IL1RAPL2: variants seen among roughly 807,000 people sequenced by gnomAD.
The protein encoded by IL1RAPL2 is X-linked interleukin-1 receptor accessory protein-like 2.
Under a neutral mutation model 44.1 loss-of-function variants are expected in IL1RAPL2, and 3 were observed. The observed-to-expected ratio is 0.07, with a 90% CI of 0.03 to 0.18. IL1RAPL2 has a LOEUF of 0.18. Ranked by LOEUF, IL1RAPL2 falls within the 10% of genes least tolerant of loss-of-function variation. IL1RAPL2 has a pLI of 1.00. For missense variants in IL1RAPL2, 391 were observed against 496.4 expected, an observed-to-expected ratio of 0.79 and a Z score of 2.02; for synonymous variants, 181 against 178.8, an observed-to-expected ratio of 1.01 and a Z score of -0.10.
At chrX:105,693,974 G>A (rs1353068437) in intron 6 of IL1RAPL2, among the ~76,000 whole-genome samples, 5 of 111,822 alleles carry the variant, frequency 4.5e-5, no homozygotes, top group Admixed American at 9.5e-5. Context: ...TTGGGCTTCT[G>A]ACTTTTAGAA....
At chrX:105,010,219 A>G (rs1235546536) in intron 2 of IL1RAPL2, among the ~76,000 whole-genome samples, 1 of 111,312 alleles carries the variant, frequency 9.0e-6, no homozygotes, top group Non-Finnish European at 1.9e-5. Flanking sequence ...CATAGTGCAA[A>G]TAGAAGTTTT....
At chrX:104,646,904 G>A (rs1421089371) in intron 1 of IL1RAPL2, among the ~76,000 whole-genome samples, 3 of 111,722 alleles carry the variant, frequency 2.7e-5, no homozygotes, top group Non-Finnish European at 5.6e-5. Flanking sequence ...GCAAAGAGGT[G>A]TTAAGTATTT....
At chrX:105,336,205 G>A (rs1038745649) in intron 5 of IL1RAPL2, among the ~76,000 whole-genome samples, 1 of 112,230 alleles carries the variant, frequency 8.9e-6, no homozygotes. Context: ...CAGGAGGTTT[G>A]TTGAACCTTA....
At chrX:104,641,019 G>C (rs1172045071) in intron 1 of IL1RAPL2, among the ~76,000 whole-genome samples, 1 of 112,215 alleles carries the variant, frequency 8.9e-6, no homozygotes, top group Non-Finnish European at 1.9e-5. Context: ...GCAGTGACTG[G>C]GTAGGTGGGT....
At chrX:105,141,472 C>A (rs1344038655) in intron 2 of IL1RAPL2, among the ~76,000 whole-genome samples, 1 of 111,186 alleles carries the variant, frequency 9.0e-6, no homozygotes, top group Admixed American at 9.6e-5. Context: ...GCACTAAAGG[C>A]ACACTACTGT....
chrX:105,145,301 T>A (rs1312647456), intron 2 of IL1RAPL2, among the ~76,000 whole-genome samples: 1 of 111,674 alleles, frequency 9.0e-6, no homozygotes. Context: ...CATTATTATC[T>A]GTTTTGTACA....
chrX:104,976,473 A>C (rs2030337182), intron 2 of IL1RAPL2, among the ~76,000 whole-genome samples: 1 of 112,092 alleles, frequency 8.9e-6, no homozygotes, highest in African/African-American at 3.2e-5. Context: ...GAAGGAAAAA[A>C]TAAATAAAGT....
intron 2 of IL1RAPL2, among the ~76,000 whole-genome samples, chrX:104,752,068 G>GT (rs753117854): frequency 9.0e-6 from 1 of 111,057 alleles, no homozygotes; most frequent in East Asian, 2.9e-4. Context: ...CCTGAATAAT[G>GT]TAAGTTAGCT....
At chrX:105,533,527 A>T (rs2036655159) in intron 6 of IL1RAPL2, among the ~76,000 whole-genome samples, 1 of 111,909 alleles carries the variant, frequency 8.9e-6, no homozygotes, top group Non-Finnish European at 1.9e-5. Context: ...GCCTTGTGTA[A>T]CTACCACCAC....
rs149873108 is a variant in IL1RAPL2 at position 105,145,024 on chromosome X, G to C, written c.83-50451G>C. 4.0e-3 allele frequency among the ~76,000 whole-genome samples: 447 copies of C among 111,597 alleles called. 5 individuals carry two copies. Among genetic ancestry groups the C allele is most frequent in the African/African-American group, 0.014 (423 of 30,673 alleles). ...TTATTCTGCTGTGTCCCCAACACAT[G>C]AAAGAGGGCCTGGCTGAGGACGGAT... On this transcript the variant is annotated intron_variant, in intron 2 of 10. Coordinates refer to ENST00000372582, the MANE Select transcript of IL1RAPL2 (RefSeq NM_017416.2).
chrX:104,660,582 A>AATAT (rs3055132), intron 2 of IL1RAPL2, among the ~76,000 whole-genome samples: 11 of 97,443 alleles, frequency 1.1e-4, no homozygotes, highest in East Asian at 3.2e-4. Flanking sequence ...AAAATATATA[A>AATAT]ATATATATAT....
At chrX:105,157,585 G>A (rs28458818) in intron 2 of IL1RAPL2, among the ~76,000 whole-genome samples, 24 of 112,254 alleles carry the variant, frequency 2.1e-4, no homozygotes, top group African/African-American at 7.4e-4. Context: ...GGTCCAATTA[G>A]TTGTGGCCAG....
At chrX:105,670,465 A>G (rs1372984436) in intron 6 of IL1RAPL2, among the ~76,000 whole-genome samples, 2 of 104,178 alleles carry the variant, frequency 1.9e-5, no homozygotes, top group African/African-American at 7.0e-5. Flanking sequence ...GCGCCTGGCA[A>G]ATTTTTTGTA....
intron 2 of IL1RAPL2, among the ~76,000 whole-genome samples, chrX:104,961,395 G>A (rs1335518743): frequency 3.6e-5 from 4 of 111,771 alleles, no homozygotes; most frequent in Non-Finnish European, 7.5e-5. Context: ...ATTTGTCTGA[G>A]TTGCTGGATC....
chrX:104,709,421 C>T lies in IL1RAPL2; in HGVS notation c.82+50426C>T, dbSNP rs183815020. Among the ~76,000 whole-genome samples the T allele has an allele frequency of 1.3e-3, 145 of 110,760 alleles. 1 individual carries two copies. The highest frequency in any genetic ancestry group is 4.6e-3 in the African/African-American group (141 of 30,573). On this transcript the variant is annotated intron_variant, in intron 2 of 10. Coordinates refer to ENST00000372582, the MANE Select transcript of IL1RAPL2 (RefSeq NM_017416.2). ...AGCTCAACTTCTCTCTTTTTTCACA[C>T]CTCGCTTGAATGGTCATACTGACGA...
At chrX:105,089,832 CTTGTT>C (rs1290458891) in intron 2 of IL1RAPL2, among the ~76,000 whole-genome samples, 6 of 111,677 alleles carry the variant, frequency 5.4e-5, no homozygotes, top group African/African-American at 1.9e-4. Context: ...AGGACTCACT[CTTGTT>C]TGTTTGTTGT....
chrX:105,652,138 T>C (rs2037646463), intron 6 of IL1RAPL2, among the ~76,000 whole-genome samples: 1 of 111,863 alleles, frequency 8.9e-6, no homozygotes. Flanking sequence ...TTTGATTGCC[T>C]GAATCTTTCT....
intron 2 of IL1RAPL2, among the ~76,000 whole-genome samples, chrX:104,932,456 T>C (rs944798847): frequency 1.8e-4 from 20 of 111,839 alleles, no homozygotes; most frequent in African/African-American, 6.5e-4. Flanking sequence ...AGTTCATTAT[T>C]TGAAGCAGTC....
At chrX:104,819,604 A>C (rs1290075919) in intron 2 of IL1RAPL2, among the ~76,000 whole-genome samples, 8 of 110,399 alleles carry the variant, frequency 7.2e-5, no homozygotes, top group Middle Eastern at 4.8e-3. Context: ...GGGTAGATCT[A>C]GTTCTGTTGA....
Sources: allele counts gnomAD v4.1 joint callset (sites outside exome capture counted in the v4.1 genomes callset), GRCh38; gene constraint gnomAD v4.1.1; transcripts MANE v1.5; gene names NCBI Gene and HGNC (gene_info 2026-07-23, HGNC 2026-07-21).